DNAH12: variants seen among roughly 807,000 people sequenced by gnomAD.
DNAH12 encodes the protein axonemal beta dynein heavy chain 12.
DNAH12 carries 285 observed loss-of-function variants against 371.5 expected under a neutral mutation model. The observed-to-expected ratio is 0.77, with a 90% CI of 0.70 to 0.85. DNAH12 has a LOEUF of 0.85. DNAH12 is among the 40% of genes least tolerant of loss of function. The pLI is 0.00. For missense variants in DNAH12, 3,611 were observed against 3,689.4 expected (o/e 0.98, Z 0.55); for synonymous variants, 1,200 against 1,213.0 (o/e 0.99, Z 0.22).
intron 12 of DNAH12, among the ~76,000 whole-genome samples, chr3:57,487,539 G>T (rs4377464): frequency 0.67 from 101,630 of 151,876 alleles, 34,250 homozygotes; most frequent in South Asian, 0.75. Context: ...TTCAGCAAAA[G>T]AAAAGGAGGC....
At chr3:57,296,207 G>T in intron 72 of DNAH12, 137 bp downstream of exon 72, 2 of 533,390 alleles carry the variant, frequency 3.7e-6, no homozygotes, top group Non-Finnish European at 6.2e-6. Context: ...GCCCCAGCTT[G>T]ACTAATAATT....
At chr3:57,427,012 A>C (rs928837935) in intron 34 of DNAH12, among the ~76,000 whole-genome samples, 2 of 152,106 alleles carry the variant, frequency 1.3e-5, no homozygotes, top group African/African-American at 4.8e-5. Flanking sequence ...GAATCTTCAT[A>C]AAGTGGAATT....
At chr3:57,548,058 C>G (rs1039460449), upstream of DNAH12, among the ~76,000 whole-genome samples, 15 of 152,116 alleles carry the variant, frequency 9.9e-5, no homozygotes, top group Admixed American at 7.9e-4. Context: ...GGTGAAAGAC[C>G]TGGTAAGAGT....
Position 57,295,599 on chromosome 3 carries a change from C to G in DNAH12, c.11625-7G>C, listed in dbSNP as rs374138336. The G allele has an allele frequency of 2.6e-6, 4 of 1,535,700 alleles. No individual in the cohort carries two copies. The African/African-American group carries it at 5.5e-5, about 21-fold the overall frequency. On this transcript the variant is annotated splice_region_variant and splice_polypyrimidine_tract_variant and intron_variant, in intron 72 of 73. Transcript: ENST00000495027. ...TTGTTCAGCAAGCAATCCACTGTAA[C>G]GAGAAATTGACAGAAATTATTAGAA...
intron 58 of DNAH12, among the ~76,000 whole-genome samples, chr3:57,362,305 TGAG>T (rs1188647005): frequency 9.9e-5 from 15 of 152,174 alleles, no homozygotes; most frequent in Non-Finnish European, 5.9e-5. Flanking sequence ...TTTGCTATTG[TGAG>T]TAGTGCCACA....
chr3:57,477,874 G>C (rs954972061), intron 13 of DNAH12, among the ~76,000 whole-genome samples: 3 of 151,954 alleles, frequency 2.0e-5, no homozygotes, highest in Non-Finnish European at 4.4e-5. Context: ...CTGACTGTTA[G>C]AAGGAAAACT....
Position 57,310,850 on chromosome 3 carries a change from C to T in DNAH12, c.10763G>A (p.Arg3588His), listed in dbSNP as rs1156849087. The T allele has an allele frequency of 2.0e-5, 31 of 1,551,394 alleles. No homozygotes were observed. Among genetic ancestry groups the T allele is most frequent in the East Asian group, 7.3e-5 (3 of 40,914 alleles). ...GGRVTDDWDR[R>H]LLLTMLADFY... ...GTCAGCCAGCATGGTTAATAGAAGA[C>T]GTCTGTCCCAATCGTCTGTCACTCT... Residue 3588 changes from arginine to histidine, a missense_variant, in exon 67 of 74, where the codon CGT (arginine) becomes CAT (histidine). Physicochemically the swap from Arg to His is conservative, Grantham distance 29. Around this residue, in one of 3 missense-constraint regions of DNAH12, gnomAD observed 2,266 missense variants for 2,236.9 expected, o/e 1.01. Transcript: ENST00000495027.
intron 43 of DNAH12, among the ~76,000 whole-genome samples, chr3:57,399,426 A>G (rs1360497222): frequency 6.6e-6 from 1 of 152,226 alleles, no homozygotes; most frequent in African/African-American, 2.4e-5. Flanking sequence ...GCTGCCTACA[A>G]GAGATTCATT....
chr3:57,492,549 A>C (rs2067164516), intron 11 of DNAH12, among the ~76,000 whole-genome samples: 1 of 152,160 alleles, frequency 6.6e-6, no homozygotes, highest in South Asian at 2.1e-4. Flanking sequence ...CAAAATAGGC[A>C]TACTAACCAC....
In DNAH12 at chr3:57,428,812, C is replaced by G. The variant is rs1288443544; in HGVS notation, c.5074G>C (p.Val1692Leu). Reference sequence around the variant, plus strand: ...AAATAAATCATACCACAACGACTTACAGTGGCAGGCTAGAGAAAAAAGGCA... The same window carrying G: ...AAATAAATCATACCACAACGACTTAGAGTGGCAGGCTAGAGAAAAAAGGCA... ...MDLSQASPAT[V>L]SRCGMIYLEP... Residue 1692 changes from valine to leucine, a missense_variant, in exon 34 of 74, where the codon GTA (valine) becomes CTA (leucine). Transcript: ENST00000495027. 2 of 1,527,466 alleles carry G rather than the reference C, an allele frequency of 1.3e-6. No individual in the cohort carries two copies. Among genetic ancestry groups the G allele is most frequent in the Non-Finnish European group, 1.8e-6 (2 of 1,139,070 alleles). The allele number at this position is 1,527,466 out of a possible 1,614,324, so 94.6% of individuals were successfully genotyped here. A position where few individuals can be genotyped will look rare whatever the true frequency, so the allele number is the denominator to read the frequency against.
At chr3:57,369,982 T>C (rs1056157619) in intron 55 of DNAH12, among the ~76,000 whole-genome samples, 6 of 152,208 alleles carry the variant, frequency 3.9e-5, no homozygotes, top group Non-Finnish European at 5.9e-5. Context: ...GTGTCCATCA[T>C]AGAAATAAGG....
chr3:57,422,376 C>T (rs2064617492), intron 35 of DNAH12, among the ~76,000 whole-genome samples: 1 of 152,020 alleles, frequency 6.6e-6, no homozygotes, highest in Admixed American at 6.6e-5. Flanking sequence ...TACAGGCGCC[C>T]ACCACCACGG....
intron 17 of DNAH12, among the ~76,000 whole-genome samples, chr3:57,465,074 AGCTCAGCCCTT>A (rs1217070890): frequency 6.6e-6 from 1 of 152,210 alleles, no homozygotes; most frequent in Admixed American, 6.5e-5. Context: ...TACATGGTTT[AGCTCAGCCCTT>A]GCTCTTTCTC....
At chr3:57,391,616 C>T (rs2063625068) in intron 45 of DNAH12, among the ~76,000 whole-genome samples, 1 of 152,164 alleles carries the variant, frequency 6.6e-6, no homozygotes, top group African/African-American at 2.4e-5. Flanking sequence ...TATATATACC[C>T]TTTGCACATC....
intron 4 of DNAH12, among the ~76,000 whole-genome samples, chr3:57,522,576 A>C (rs531641070): frequency 6.6e-6 from 1 of 152,162 alleles, no homozygotes; most frequent in African/African-American, 2.4e-5. Context: ...AAACCAAAAC[A>C]AGGAAAAGCT....
intron 18 of DNAH12, 98 bp downstream of exon 18, chr3:57,462,592 G>A (rs965744043): frequency 2.8e-5 from 38 of 1,364,938 alleles, no homozygotes; most frequent in African/African-American, 7.3e-5. Flanking sequence ...CACCTCCCGC[G>A]CTATCCAGTA....
chr3:57,491,790 T>C (rs1044355053), intron 11 of DNAH12, among the ~76,000 whole-genome samples: 4 of 151,910 alleles, frequency 2.6e-5, no homozygotes, highest in African/African-American at 9.7e-5. Context: ...AAATAATAAT[T>C]TTTTTAAAAT....
At chr3:57,366,468 T>C (rs2063054500) in intron 57 of DNAH12, among the ~76,000 whole-genome samples, 1 of 152,122 alleles carries the variant, frequency 6.6e-6, no homozygotes. Context: ...CCAGCAACCC[T>C]TTCGTGGAGT....
At chr3:57,448,645 T>G (rs942849705) in intron 25 of DNAH12, among the ~76,000 whole-genome samples, 1 of 152,200 alleles carries the variant, frequency 6.6e-6, no homozygotes, top group African/African-American at 2.4e-5. Flanking sequence ...GCAGCCTGCT[T>G]TTATTCTCTT....
Sources: gnomAD v4.1 joint callset for allele counts (sites outside exome capture counted in the v4.1 genomes callset) on GRCh38, gnomAD v4.1.1 for gene constraint, gnomAD v4.1.1 regional missense constraint, MANE v1.5 for transcripts, NCBI Gene and HGNC (gene_info 2026-07-23, HGNC 2026-07-21) for gene names.